The following PRCC variants were observed in gnomAD, a reference collection of about 807,000 sequenced individuals.
PRCC encodes proline-rich protein PRCC.
PRCC carries 10 observed loss-of-function variants against 44.0 expected under a neutral mutation model. The ratio of observed to expected loss-of-function variants is 0.23; its 90% CI spans 0.14 to 0.39. The LOEUF (loss-of-function observed/expected upper bound fraction) is 0.39, where lower values mean the gene tolerates loss of function less well. PRCC is among the 10% of genes least tolerant of loss of function. The pLI is 1.00. For synonymous variants in PRCC, 278 were observed against 259.5 expected (o/e 1.07, Z -0.69); for missense variants, 573 against 624.7 (o/e 0.92, Z 0.88).
chr1:156,797,525 A>C (rs1341013179), intron 6 of PRCC, among the ~76,000 whole-genome samples, 184 bp downstream of exon 6: 1 of 152,188 alleles, frequency 6.6e-6, no homozygotes, highest in African/African-American at 2.4e-5. Flanking sequence ...ATCCTGCTCT[A>C]CTTCAGTCTC....
At chr1:156,783,608 T>C (rs1400090826) in intron 2 of PRCC, among the ~76,000 whole-genome samples, 1 of 151,928 alleles carries the variant, frequency 6.6e-6, no homozygotes, top group African/African-American at 2.4e-5. Flanking sequence ...TAGCCAGGCG[T>C]GGTGACAGGT....
At chr1:156,796,979 G>T (rs1652679747) in intron 5 of PRCC, 1 of 342,578 alleles carries the variant, frequency 2.9e-6, no homozygotes, top group Admixed American at 4.2e-5. Context: ...GGTGCTAGGG[G>T]TGGGGTGGGA....
At chr1:156,795,173 TTTTTG>T (rs1188371933) in intron 5 of PRCC, among the ~76,000 whole-genome samples, 1 of 152,076 alleles carries the variant, frequency 6.6e-6, no homozygotes, top group East Asian at 1.9e-4. Flanking sequence ...TTTTTTGCTT[TTTTTG>T]TTTTAATTTT....
intron 1 of PRCC, among the ~76,000 whole-genome samples, chr1:156,769,923 C>T (rs189858706): frequency 1.6e-4 from 25 of 152,174 alleles, no homozygotes; most frequent in South Asian, 4.1e-4. Context: ...TTATTTCCCC[C>T]TTCTTTCACA....
intron 6 of PRCC, 143 bp downstream of exon 6, chr1:156,797,484 G>A: frequency 1.1e-6 from 1 of 881,392 alleles, no homozygotes; most frequent in Non-Finnish European, 1.8e-6. Context: ...TCTCAGAGCG[G>A]CCACTAGGAG....
At chr1:156,797,435 C>A in intron 6 of PRCC, 94 bp downstream of exon 6, 1 of 1,437,658 alleles carries the variant, frequency 7.0e-7, no homozygotes, top group East Asian at 2.3e-5. Flanking sequence ...AGATGCTTAT[C>A]TTTTAGCAGC....
chr1:156,778,262 T>C (rs927976930), intron 1 of PRCC, among the ~76,000 whole-genome samples: 4 of 152,304 alleles, frequency 2.6e-5, no homozygotes, highest in South Asian at 2.1e-4. Context: ...AGATTCTACA[T>C]GTAAGTGAGA....
At chr1:156,782,686 T>C (rs976368966) in intron 2 of PRCC, among the ~76,000 whole-genome samples, 1 of 152,230 alleles carries the variant, frequency 6.6e-6, no homozygotes, top group African/African-American at 2.4e-5. Context: ...TCTTCCTGTC[T>C]CATTTTTAAC....
intron 3 of PRCC, among the ~76,000 whole-genome samples, chr1:156,787,425 A>G (rs1652294410): frequency 6.7e-6 from 1 of 148,804 alleles, no homozygotes; most frequent in Non-Finnish European, 1.5e-5. Flanking sequence ...TTATTGATCC[A>G]TAATATTTGT....
chr1:156,774,945 T>C (rs28794551), intron 1 of PRCC, among the ~76,000 whole-genome samples: 118,119 of 140,026 alleles, frequency 0.84, 50,963 homozygotes, highest in Non-Finnish European at 0.94. Context: ...AGCAAGACTC[T>C]GTCTCAAAAA....
intron 2 of PRCC, among the ~76,000 whole-genome samples, chr1:156,785,278 G>A (rs1295870938): frequency 6.6e-6 from 1 of 152,100 alleles, no homozygotes; most frequent in Non-Finnish European, 1.5e-5. Context: ...TTGGGAGGCC[G>A]AGGTGGGTGG....
At chr1:156,789,257 A>G (rs927630086) in intron 3 of PRCC, among the ~76,000 whole-genome samples, 10 of 152,244 alleles carry the variant, frequency 6.6e-5, no homozygotes, top group Admixed American at 6.5e-5. Flanking sequence ...GGCGTGAGCC[A>G]CCGTACCCCG....
intron 1 of PRCC, among the ~76,000 whole-genome samples, chr1:156,773,166 T>G (rs78647817): frequency 0.029 from 4,450 of 152,192 alleles, 170 homozygotes; most frequent in South Asian, 0.13. Flanking sequence ...CGGGGTGTGG[T>G]GCTTAGGGGG....
At chr1:156,777,073 A>C (rs1651852144) in intron 1 of PRCC, among the ~76,000 whole-genome samples, 1 of 152,206 alleles carries the variant, frequency 6.6e-6, no homozygotes, top group African/African-American at 2.4e-5. Context: ...TGTGGTTGTG[A>C]CATGGGTAAG....
intron 6 of PRCC, among the ~76,000 whole-genome samples, chr1:156,797,543 A>AT (rs1226700663): frequency 6.6e-6 from 1 of 152,232 alleles, no homozygotes; most frequent in Non-Finnish European, 1.5e-5. Context: ...CTCAATGCAG[A>AT]TAAGATTCAG....
chr1:156,787,776 G>A lies in PRCC; in HGVS notation c.1083+602G>A, dbSNP rs572216863. ...AGTGATTCTCCTGCCTCAGCCTCCC[G>A]AGTAGCTGGGACTACAGATGTGTGC... On this transcript the variant is annotated intron_variant, in intron 3 of 6. Transcript: ENST00000271526. 1.2e-4 allele frequency among the ~76,000 whole-genome samples: 18 copies of A among 146,538 alleles called. No homozygotes were observed. The South Asian group carries it at 3.8e-3, about 31-fold the overall frequency.
At chr1:156,788,445 A>G (rs1225958839) in intron 3 of PRCC, among the ~76,000 whole-genome samples, 1 of 152,200 alleles carries the variant, frequency 6.6e-6, no homozygotes, top group Admixed American at 6.5e-5. Context: ...TATTGCAAAC[A>G]GTGCTGTGAT....
intron 3 of PRCC, among the ~76,000 whole-genome samples, chr1:156,790,227 T>G (rs1385242959): frequency 1.3e-5 from 2 of 152,294 alleles, no homozygotes; most frequent in Non-Finnish European, 2.9e-5. Flanking sequence ...CCAAATACTT[T>G]GAAAACAATT....
intron 1 of PRCC, among the ~76,000 whole-genome samples, chr1:156,774,201 A>G (rs1571573490): frequency 1.3e-5 from 1 of 79,444 alleles, no homozygotes; most frequent in Non-Finnish European, 2.3e-5. Context: ...TTTGAGACAG[A>G]GTCTCTCTGT....
Sources: gnomAD v4.1 joint callset for allele counts (sites outside exome capture counted in the v4.1 genomes callset) on GRCh38, gnomAD v4.1.1 for gene constraint, MANE v1.5 for transcripts, NCBI Gene and HGNC (gene_info 2026-07-23, HGNC 2026-07-21) for gene names.